The following GRIA1 variants were observed in gnomAD, a reference collection of about 807,000 sequenced individuals.
The protein encoded by GRIA1 is glutamate receptor 1.
Under a neutral mutation model 99.2 loss-of-function variants are expected in GRIA1, and 31 were observed. The ratio of observed to expected loss-of-function variants is 0.31; its 90% CI spans 0.23 to 0.42. GRIA1 has a LOEUF of 0.42. GRIA1 is among the 10% of genes least tolerant of loss of function. The pLI, the probability that GRIA1 is intolerant of heterozygous loss-of-function variation, is 1.00. For synonymous variants in GRIA1, 438 were observed against 432.4 expected (o/e 1.01, Z -0.16); for missense variants, 782 against 1,157.5 (o/e 0.68, Z 4.71).
intron 5 of GRIA1, among the ~76,000 whole-genome samples, chr5:153,667,444 G>C (rs1339070258): frequency 1.3e-5 from 2 of 152,098 alleles, no homozygotes; most frequent in African/African-American, 4.8e-5. Flanking sequence ...GTTCTCTCAG[G>C]CTTCTTGCCT....
intron 2 of GRIA1, among the ~76,000 whole-genome samples, chr5:153,596,001 A>T (rs1764398118): frequency 6.8e-6 from 1 of 147,466 alleles, no homozygotes; most frequent in African/African-American, 2.5e-5. Context: ...CTATAACCTT[A>T]TTAGGGAAAT....
At chr5:153,567,796 C>T (rs1761780244) in intron 2 of GRIA1, among the ~76,000 whole-genome samples, 1 of 151,682 alleles carries the variant, frequency 6.6e-6, no homozygotes, top group African/African-American at 2.4e-5. Context: ...AGAAACAAGG[C>T]TTTAGAGTGA....
At chr5:153,782,974 G>C (rs1330127570) in intron 13 of GRIA1, among the ~76,000 whole-genome samples, 1 of 152,216 alleles carries the variant, frequency 6.6e-6, no homozygotes, top group Non-Finnish European at 1.5e-5. Flanking sequence ...GGGGCTGGAG[G>C]TGGTAGTGGA....
At chr5:153,758,859 C>A (rs1040339324) in intron 11 of GRIA1, among the ~76,000 whole-genome samples, 2 of 151,778 alleles carry the variant, frequency 1.3e-5, no homozygotes, top group Non-Finnish European at 3.0e-5. Flanking sequence ...CAAGTATTAA[C>A]AAATTTTTAA....
intron 15 of GRIA1, among the ~76,000 whole-genome samples, chr5:153,807,996 T>G (rs1766554793): frequency 6.6e-6 from 1 of 152,238 alleles, no homozygotes; most frequent in African/African-American, 2.4e-5. Flanking sequence ...GCTGAGAGAC[T>G]TGATAACTCA....
At chr5:153,716,295 C>A (rs983434183) in intron 11 of GRIA1, among the ~76,000 whole-genome samples, 9 of 152,196 alleles carry the variant, frequency 5.9e-5, no homozygotes, top group African/African-American at 2.2e-4. Context: ...AGATTATAAC[C>A]TGTGTCAGTC....
intron 2 of GRIA1, among the ~76,000 whole-genome samples, chr5:153,548,024 C>T (rs1289703673): frequency 6.6e-6 from 1 of 152,076 alleles, no homozygotes; most frequent in Non-Finnish European, 1.5e-5. Flanking sequence ...GTAAATGAAC[C>T]CCTTCTCATA....
intron 5 of GRIA1, among the ~76,000 whole-genome samples, chr5:153,657,890 C>T (rs973842860): frequency 6.6e-6 from 1 of 152,114 alleles, no homozygotes; most frequent in Admixed American, 6.6e-5. Context: ...TTTTGGGGAA[C>T]GAAGAGTCTC....
chr5:153,688,301 A>G (rs990021217), intron 8 of GRIA1, among the ~76,000 whole-genome samples: 8 of 152,124 alleles, frequency 5.3e-5, no homozygotes, highest in African/African-American at 1.7e-4. Flanking sequence ...AACTTTTGGC[A>G]TGTTGATTGT....
chr5:153,790,058 A>G (rs1420596284), intron 13 of GRIA1, among the ~76,000 whole-genome samples: 1 of 152,200 alleles, frequency 6.6e-6, no homozygotes, highest in African/African-American at 2.4e-5. Context: ...GGCTAGTTGT[A>G]GTTAGTTGCA....
intron 8 of GRIA1, among the ~76,000 whole-genome samples, chr5:153,686,599 G>A (rs1757356823): frequency 6.6e-6 from 1 of 152,272 alleles, no homozygotes; most frequent in African/African-American, 2.4e-5. Flanking sequence ...CCAAGGTAGA[G>A]GAAAGCACTT....
intron 8 of GRIA1, among the ~76,000 whole-genome samples, chr5:153,694,303 G>A (rs774543888): frequency 5.3e-5 from 8 of 151,948 alleles, no homozygotes; most frequent in African/African-American, 9.7e-5. Context: ...GGGATTTTAC[G>A]GCAGTTTTAT....
intron 2 of GRIA1, among the ~76,000 whole-genome samples, chr5:153,605,181 T>C (rs1315873808): frequency 2.0e-5 from 3 of 148,958 alleles, no homozygotes; most frequent in African/African-American, 7.5e-5. Context: ...AGTGAGACTC[T>C]GTCTCAAAAA....
At chr5:153,589,116 G>A (rs1441381926) in intron 2 of GRIA1, among the ~76,000 whole-genome samples, 1 of 152,026 alleles carries the variant, frequency 6.6e-6, no homozygotes. Flanking sequence ...TATAAGCTGG[G>A]GAGCATGTTG....
intron 11 of GRIA1, among the ~76,000 whole-genome samples, chr5:153,713,773 A>C (rs1048142452): frequency 2.0e-5 from 3 of 152,204 alleles, no homozygotes; most frequent in Non-Finnish European, 2.9e-5. Flanking sequence ...GTTTTCTCCA[A>C]AATTACAATA....
At chr5:153,618,834 AGAAGTTC>A (rs1766760390) in intron 2 of GRIA1, among the ~76,000 whole-genome samples, 1 of 152,246 alleles carries the variant, frequency 6.6e-6, no homozygotes, top group Non-Finnish European at 1.5e-5. Context: ...TTGGCCAAGG[AGAAGTTC>A]TGTATATTAT....
intron 7 of GRIA1, among the ~76,000 whole-genome samples, chr5:153,684,327 C>T (rs1757196447): frequency 6.6e-6 from 1 of 152,132 alleles, no homozygotes; most frequent in Non-Finnish European, 1.5e-5. Flanking sequence ...TTTTTGAATA[C>T]TCATCATGCA....
intron 11 of GRIA1, among the ~76,000 whole-genome samples, chr5:153,735,452 T>C (rs1761319246): frequency 6.6e-6 from 1 of 152,108 alleles, no homozygotes; most frequent in Admixed American, 6.6e-5. Context: ...CGGAACAGAA[T>C]AGGACAGGGA....
At chr5:153,544,827 G>A (rs1471692970) in intron 2 of GRIA1, among the ~76,000 whole-genome samples, 1 of 152,126 alleles carries the variant, frequency 6.6e-6, no homozygotes, top group Non-Finnish European at 1.5e-5. Flanking sequence ...TAAAGATAGA[G>A]GAAATGGGAA....
Sources: allele counts gnomAD v4.1 joint callset (sites outside exome capture counted in the v4.1 genomes callset), GRCh38; gene constraint gnomAD v4.1.1; transcripts MANE v1.5; gene names NCBI Gene and HGNC (gene_info 2026-07-23, HGNC 2026-07-21).